The following LRFN5 variants were observed in gnomAD, a reference collection of about 807,000 sequenced individuals.
The protein encoded by LRFN5 is leucine-rich repeat and fibronectin type-III domain-containing protein 5.
Under a neutral mutation model 45.6 loss-of-function variants are expected in LRFN5, and 24 were observed. The ratio of observed to expected loss-of-function variants is 0.53; its 90% CI spans 0.38 to 0.74. LRFN5 has a LOEUF of 0.74. Ranked by LOEUF, LRFN5 falls within the 30% of genes least tolerant of loss-of-function variation. LRFN5 has a pLI of 0.00. For synonymous variants in LRFN5, 340 were observed against 313.8 expected, an observed-to-expected ratio of 1.08 and a Z score of -0.88; for missense variants, 776 against 861.5, an observed-to-expected ratio of 0.90 and a Z score of 1.24.
intron 2 of LRFN5, among the ~76,000 whole-genome samples, chr14:41,867,840 G>T (rs190400078): frequency 3.3e-5 from 5 of 151,020 alleles, no homozygotes; most frequent in Admixed American, 3.3e-4. Flanking sequence ...TTTGTCTTAT[G>T]CTAACTGGGA....
In LRFN5 at chr14:41,876,444, C is replaced by CTT. The variant is rs71105408; in HGVS notation, c.-20-10147_-20-10146dup. 1.5e-3 allele frequency among the ~76,000 whole-genome samples: 197 copies of CTT among 129,056 alleles called. 3 individuals are homozygous for CTT. In the Middle Eastern group the frequency reaches 0.028, roughly 19 times the overall value. The allele number at this position is 129,056 out of a possible 152,430, so 84.7% of individuals were successfully genotyped here. On this transcript the variant is annotated intron_variant, in intron 2 of 5. Coordinates refer to ENST00000298119, the MANE Select transcript of LRFN5 (RefSeq NM_152447.5). The stretch of plus-strand genomic sequence containing the variant: ...TACAGGTGCCCACCACCATGCCTGG[C>CTT]TTTTTTTTTTTTTTTTCTTTTTCTT...
chr14:41,819,308 C>T (rs1030266048), intron 2 of LRFN5, among the ~76,000 whole-genome samples: 4 of 151,956 alleles, frequency 2.6e-5, no homozygotes, highest in Non-Finnish European at 5.9e-5. Flanking sequence ...TCTTTGTATT[C>T]TTTTCCTTAG....
intron 2 of LRFN5, among the ~76,000 whole-genome samples, chr14:41,867,741 A>G (rs180933791): frequency 6.6e-6 from 1 of 152,110 alleles, no homozygotes; most frequent in Admixed American, 6.5e-5. Flanking sequence ...CCTCATTCAG[A>G]CTTTTTATTT....
intron 2 of LRFN5, among the ~76,000 whole-genome samples, chr14:41,837,874 C>A (rs1333732979): frequency 6.6e-6 from 1 of 152,168 alleles, no homozygotes; most frequent in African/African-American, 2.4e-5. Flanking sequence ...TAATTTAATT[C>A]TCTTTTATGG....
At chr14:41,755,926 G>C (rs1885354950) in intron 1 of LRFN5, among the ~76,000 whole-genome samples, 1 of 152,118 alleles carries the variant, frequency 6.6e-6, no homozygotes, top group Admixed American at 6.6e-5. Context: ...TCCACGTCTA[G>C]TGCTTTCTTC....
At chr14:41,748,094 C>T (rs1477594981) in intron 1 of LRFN5, among the ~76,000 whole-genome samples, 1 of 151,966 alleles carries the variant, frequency 6.6e-6, no homozygotes, top group Non-Finnish European at 1.5e-5. Flanking sequence ...GAAAGTGGTT[C>T]ATTTGCCTGG....
intron 1 of LRFN5, among the ~76,000 whole-genome samples, chr14:41,661,958 C>T (rs1231828889): frequency 6.6e-6 from 1 of 151,998 alleles, no homozygotes. Flanking sequence ...ATTTGTACTA[C>T]TTGTTTCAGC....
chr14:41,747,686 T>C (rs1011193597), intron 1 of LRFN5, among the ~76,000 whole-genome samples: 1 of 151,958 alleles, frequency 6.6e-6, no homozygotes, highest in Non-Finnish European at 1.5e-5. Context: ...ATGAACATTT[T>C]TTAAAGTGCA....
intron 2 of LRFN5, among the ~76,000 whole-genome samples, chr14:41,883,711 C>A (rs1890467426): frequency 6.6e-6 from 1 of 152,110 alleles, no homozygotes; most frequent in African/African-American, 2.4e-5. Context: ...TTATTGTAAT[C>A]CGTCTTATTT....
At chr14:41,794,316 T>A (rs971775853) in intron 2 of LRFN5, among the ~76,000 whole-genome samples, 1 of 152,112 alleles carries the variant, frequency 6.6e-6, no homozygotes, top group African/African-American at 2.4e-5. Context: ...ATTCTATGCC[T>A]GAAAATATGA....
intron 2 of LRFN5, among the ~76,000 whole-genome samples, chr14:41,786,543 G>GTTTTT (rs71105403): frequency 7.0e-6 from 1 of 142,436 alleles, no homozygotes; most frequent in African/African-American, 2.6e-5. Flanking sequence ...CTCTTTATGA[G>GTTTTT]TTTTTTTTTT....
chr14:41,792,826 T>G (rs1320326318), intron 2 of LRFN5, among the ~76,000 whole-genome samples: 2 of 152,018 alleles, frequency 1.3e-5, no homozygotes, highest in Non-Finnish European at 2.9e-5. Flanking sequence ...GTGACCTATA[T>G]CCTCAGCTTA....
chr14:41,694,954 T>C (rs1882541599), intron 1 of LRFN5, among the ~76,000 whole-genome samples: 1 of 151,924 alleles, frequency 6.6e-6, no homozygotes, highest in African/African-American at 2.4e-5. Flanking sequence ...AAAAAAGGCA[T>C]GTTGAAAGCT....
At chr14:41,716,521 C>A (rs1883502121) in intron 1 of LRFN5, among the ~76,000 whole-genome samples, 1 of 152,114 alleles carries the variant, frequency 6.6e-6, no homozygotes. Context: ...AGGGCAGGGG[C>A]AAAATGCTGC....
Position 41,635,861 on chromosome 14 carries a change from G to A in LRFN5, c.-197+27299G>A, listed in dbSNP as rs903022602. 2.6e-5 allele frequency among the ~76,000 whole-genome samples: 4 copies of A among 152,034 alleles called. 1 individual carries two copies. Among genetic ancestry groups the A allele is most frequent in the Admixed American group, 2.0e-4 (3 of 15,224 alleles). ...ACTCAAGGTGTTATTATTAGATCCA[G>A]AATCTGTCCATACTAGTTTCTAATT... On this transcript the variant is annotated intron_variant, in intron 1 of 5. Transcript: ENST00000298119.
intron 1 of LRFN5, among the ~76,000 whole-genome samples, chr14:41,627,920 T>G (rs967322715): frequency 1.3e-4 from 20 of 152,194 alleles, no homozygotes; most frequent in South Asian, 2.1e-4. Context: ...TGAAATGTAC[T>G]TAGTTTCTAT....
intron 1 of LRFN5, among the ~76,000 whole-genome samples, chr14:41,756,487 A>G (rs1057195774): frequency 6.6e-6 from 1 of 151,630 alleles, no homozygotes; most frequent in Non-Finnish European, 1.5e-5. Flanking sequence ...TTTTCTCTAA[A>G]CTTGTCTTCT....
chr14:41,844,412 G>A (rs990019200), intron 2 of LRFN5, among the ~76,000 whole-genome samples: 2 of 149,584 alleles, frequency 1.3e-5, no homozygotes, highest in African/African-American at 5.0e-5. Flanking sequence ...ACTCCAGCCT[G>A]GGTGACAGAG....
intron 2 of LRFN5, among the ~76,000 whole-genome samples, chr14:41,815,761 TATAAATAA>T (rs750312531): frequency 1.1e-4 from 17 of 151,578 alleles, no homozygotes; most frequent in East Asian, 9.7e-4. Context: ...TAAAAATAAA[TATAAATAA>T]ATAAATAAAT....
Sources: gnomAD v4.1 joint callset for allele counts (sites outside exome capture counted in the v4.1 genomes callset) on GRCh38, gnomAD v4.1.1 for gene constraint, MANE v1.5 for transcripts, NCBI Gene and HGNC (gene_info 2026-07-23, HGNC 2026-07-21) for gene names.